TTLL5: variants seen among roughly 807,000 people sequenced by gnomAD.
TTLL5 encodes the protein tubulin polyglutamylase TTLL5.
Under a neutral mutation model 168.4 loss-of-function variants are expected in TTLL5, and 132 were observed. That is an observed-to-expected ratio of 0.78 (90% CI 0.68 to 0.91). The LOEUF (loss-of-function observed/expected upper bound fraction) is 0.91, where lower values mean the gene tolerates loss of function less well. Ranked by LOEUF, TTLL5 falls within the 40% of genes least tolerant of loss-of-function variation. The pLI, the probability that TTLL5 is intolerant of heterozygous loss-of-function variation, is 0.00. For missense variants in TTLL5, 1,545 were observed against 1,581.5 expected (o/e 0.98, Z 0.39); for synonymous variants, 546 against 558.6 (o/e 0.98, Z 0.32).
At chr14:75,945,255 A>G (rs943484073) in intron 31 of TTLL5, among the ~76,000 whole-genome samples, 37 of 148,006 alleles carry the variant, frequency 2.5e-4, no homozygotes, top group African/African-American at 9.1e-4. Context: ...TATATATTAT[A>G]TATAAAAAAA....
intron 24 of TTLL5, 111 bp downstream of exon 24, chr14:75,779,813 A>G: frequency 8.8e-7 from 1 of 1,140,336 alleles, no homozygotes; most frequent in South Asian, 2.1e-5. Context: ...TCCCCAAGGT[A>G]ATGAGACTTT....
intron 12 of TTLL5, among the ~76,000 whole-genome samples, chr14:75,730,876 C>T (rs1373902679): frequency 2.0e-5 from 3 of 152,028 alleles, no homozygotes; most frequent in Non-Finnish European, 4.4e-5. Flanking sequence ...CCTGCCACCA[C>T]GCCCAGCTAA....
chr14:75,769,301 G>A (rs74069258), intron 20 of TTLL5, among the ~76,000 whole-genome samples: 1 of 152,252 alleles, frequency 6.6e-6, no homozygotes, highest in East Asian at 1.9e-4. Flanking sequence ...GAAAGTCCAC[G>A]CACAGCCAGG....
chr14:75,802,294 T>G (rs1893368766), intron 27 of TTLL5, among the ~76,000 whole-genome samples: 1 of 152,324 alleles, frequency 6.6e-6, no homozygotes, highest in African/African-American at 2.4e-5. Flanking sequence ...CTCTTGGTAT[T>G]TTTTTCACTA....
At chr14:75,707,588 GT>G (rs5809718) in intron 8 of TTLL5, 34 bp from the exon 9 acceptor site, 53 of 1,485,666 alleles carry the variant, frequency 3.6e-5, no homozygotes, top group Non-Finnish European at 3.7e-5. Flanking sequence ...AATGAACTTA[GT>G]TTTTTTTTGT....
chr14:75,902,059 A>G, intron 30 of TTLL5, 83 bp from the exon 31 acceptor site: 2 of 1,164,882 alleles, frequency 1.7e-6, no homozygotes, highest in Non-Finnish European at 2.6e-6. Flanking sequence ...CAGCACCAAG[A>G]GCAAGAAGCG....
intron 6 of TTLL5, among the ~76,000 whole-genome samples, chr14:75,695,843 C>T (rs1318870954): frequency 1.6e-5 from 2 of 125,954 alleles, no homozygotes; most frequent in Admixed American, 1.6e-4. Context: ...CTCCCACTTC[C>T]CTCCCCTACC....
chr14:75,926,694 C>G (rs1471802673), intron 31 of TTLL5, among the ~76,000 whole-genome samples: 1 of 152,104 alleles, frequency 6.6e-6, no homozygotes, highest in Non-Finnish European at 1.5e-5. Flanking sequence ...AAATTGGAAT[C>G]CTTATACACT....
intron 28 of TTLL5, among the ~76,000 whole-genome samples, chr14:75,837,787 G>A (rs750722651): frequency 1.8e-4 from 28 of 151,966 alleles, no homozygotes; most frequent in African/African-American, 3.4e-4. Context: ...TCCTTTTACA[G>A]GCTGAATAAT....
At chr14:75,821,418 A>G (rs769656583) in intron 28 of TTLL5, among the ~76,000 whole-genome samples, 42 of 152,340 alleles carry the variant, frequency 2.8e-4, no homozygotes, top group Non-Finnish European at 4.9e-4. Flanking sequence ...TTTATTTTCC[A>G]TAAAAAAATT....
chr14:75,731,749 T>C (rs1888559719), intron 12 of TTLL5, among the ~76,000 whole-genome samples: 1 of 152,198 alleles, frequency 6.6e-6, no homozygotes, highest in Non-Finnish European at 1.5e-5. Flanking sequence ...AGTGTTTTAT[T>C]TTCTGTCTTC....
chr14:75,902,103 T>G (rs769787423), intron 30 of TTLL5, 39 bp from the exon 31 acceptor site: 7 of 1,603,888 alleles, frequency 4.4e-6, no homozygotes. Context: ...GACCTCACCT[T>G]TCCGCCTGCA....
chr14:75,684,427 C>T (rs1884873607), intron 5 of TTLL5: 1 of 152,034 alleles, frequency 6.6e-6, no homozygotes, highest in African/African-American at 2.4e-5. Context: ...ATAACAAATC[C>T]TTTTTGCATG....
intron 26 of TTLL5, among the ~76,000 whole-genome samples, chr14:75,785,591 A>G (rs1892321609): frequency 6.6e-6 from 1 of 152,164 alleles, no homozygotes; most frequent in South Asian, 2.1e-4. Flanking sequence ...GCATGTGGAT[A>G]TTCAGTTAAA....
chr14:75,773,913 T>C (rs1199498405), intron 21 of TTLL5, among the ~76,000 whole-genome samples: 929 of 25,988 alleles, frequency 0.036, 17 homozygotes, highest in Admixed American at 0.067. Context: ...AATACATATA[T>C]ATATATATAT....
At chr14:75,717,836 A>G (rs773217769) in intron 9 of TTLL5, 25 bp from the exon 10 acceptor site, 1 of 1,608,314 alleles carries the variant, frequency 6.2e-7, no homozygotes. Flanking sequence ...TGTTCCTGGC[A>G]TTTAACCTGT....
At chr14:75,860,990 G>A (rs2029932800) in intron 28 of TTLL5, among the ~76,000 whole-genome samples, 2 of 152,144 alleles carry the variant, frequency 1.3e-5, no homozygotes, top group South Asian at 4.1e-4. Context: ...TGCTCACCAT[G>A]TTTCTCCATA....
intron 6 of TTLL5, among the ~76,000 whole-genome samples, chr14:75,698,343 G>T: frequency 6.6e-6 from 1 of 152,176 alleles, no homozygotes; most frequent in Admixed American, 6.5e-5. Flanking sequence ...CAGGACAAAT[G>T]GCACCTTTTA....
chr14:75,755,251 G>A (rs1176729490), intron 18 of TTLL5, among the ~76,000 whole-genome samples: 1 of 145,030 alleles, frequency 6.9e-6, no homozygotes, highest in African/African-American at 2.6e-5. Context: ...GGCAACCAGA[G>A]CAAAACTCTG....
Sources: allele counts gnomAD v4.1 joint callset (sites outside exome capture counted in the v4.1 genomes callset), GRCh38; gene constraint gnomAD v4.1.1; transcripts MANE v1.5; gene names NCBI Gene and HGNC (gene_info 2026-07-23, HGNC 2026-07-21).